Variants in MAGI2 observed in about 807,000 individuals in gnomAD.
MAGI2 encodes the protein membrane-associated guanylate kinase, WW and PDZ domain-containing protein 2.
A neutral mutation model predicts 133.3 loss-of-function variants in MAGI2; 35 were observed. The observed-to-expected ratio is 0.26, with a 90% CI of 0.20 to 0.35. The LOEUF is 0.35. Among genes scored for constraint, MAGI2 ranks in the 10% least tolerant of loss-of-function variants. The pLI, the probability that MAGI2 is intolerant of heterozygous loss-of-function variation, is 1.00. For missense variants in MAGI2, 1,636 were observed against 1,863.4 expected (o/e 0.88, Z 2.25); for synonymous variants, 729 against 710.6 (o/e 1.03, Z -0.41).
At chr7:78,070,148 T>TAC (rs1175930900) in intron 21 of MAGI2, among the ~76,000 whole-genome samples, 1 of 132,786 alleles carries the variant, frequency 7.5e-6, no homozygotes, top group African/African-American at 2.9e-5. Flanking sequence ...TGTATATATA[T>TAC]ACACACATAT....
chr7:78,888,071 C>T (rs575977191), intron 2 of MAGI2, among the ~76,000 whole-genome samples: 5 of 152,310 alleles, frequency 3.3e-5, no homozygotes, highest in Non-Finnish European at 5.9e-5. Context: ...AACGGCATAC[C>T]AGGAGATTAT....
At chr7:78,494,045 T>C (rs575567233) in intron 5 of MAGI2, among the ~76,000 whole-genome samples, 41 of 152,240 alleles carry the variant, frequency 2.7e-4, no homozygotes, top group African/African-American at 8.7e-4. Flanking sequence ...GGCATGATCT[T>C]GGCTCACTGC....
intron 10 of MAGI2, among the ~76,000 whole-genome samples, chr7:78,224,930 C>T (rs1331443479): frequency 6.6e-6 from 1 of 152,060 alleles, no homozygotes; most frequent in African/African-American, 2.4e-5. Flanking sequence ...ACTGTCATTC[C>T]CAGCAGAGAA....
intron 20 of MAGI2, among the ~76,000 whole-genome samples, chr7:78,106,648 T>C (rs1179790262): frequency 6.6e-6 from 1 of 152,170 alleles, no homozygotes; most frequent in Non-Finnish European, 1.5e-5. Flanking sequence ...TTGCCATTTG[T>C]ATATATTTTA....
chr7:78,449,947 T>A (rs1016819847), intron 6 of MAGI2, among the ~76,000 whole-genome samples: 1 of 152,232 alleles, frequency 6.6e-6, no homozygotes, highest in African/African-American at 2.4e-5. Flanking sequence ...TCGATAACAC[T>A]GTCTTAGAGG....
At chr7:79,406,980 T>C (rs1490652476) in intron 1 of MAGI2, among the ~76,000 whole-genome samples, 3 of 152,170 alleles carry the variant, frequency 2.0e-5, no homozygotes, top group African/African-American at 7.2e-5. Flanking sequence ...GGTCTCCTAA[T>C]TGTCCAAGTA....
chr7:78,944,892 A>G (rs1331850490), intron 2 of MAGI2, among the ~76,000 whole-genome samples: 3 of 151,768 alleles, frequency 2.0e-5, no homozygotes. Flanking sequence ...GCACGCCACT[A>G]TGCCCAACTA....
intron 7 of MAGI2, 92 bp from the exon 8 acceptor site, chr7:78,346,135 G>T: frequency 7.1e-7 from 1 of 1,418,394 alleles, no homozygotes. Context: ...GTGATTAAGG[G>T]CCACCTTATC....
chr7:78,405,023 T>C (rs1227612514), intron 6 of MAGI2, among the ~76,000 whole-genome samples: 1 of 152,112 alleles, frequency 6.6e-6, no homozygotes, highest in Non-Finnish European at 1.5e-5. Context: ...TTTCTTCCTT[T>C]ACTGAGGAAC....
intron 1 of MAGI2, among the ~76,000 whole-genome samples, chr7:79,357,491 T>C (rs1391291277): frequency 6.6e-6 from 1 of 152,224 alleles, no homozygotes; most frequent in Non-Finnish European, 1.5e-5. Flanking sequence ...ATCACTTTAA[T>C]GTCCTCTCTT....
rs1228032767 is a variant in MAGI2 at position 78,669,881 on chromosome 7, C to T, written c.419-42642G>A. Reference sequence around the variant, plus strand: ...TGACAAAATTCAACAACCCTTCATGCTAAAAGCTCTCAATAAATTAGGTAT... The same window carrying T: ...TGACAAAATTCAACAACCCTTCATGTTAAAAGCTCTCAATAAATTAGGTAT... On this transcript the variant is annotated intron_variant, in intron 2 of 21. Coordinates refer to ENST00000354212, the MANE Select transcript of MAGI2 (RefSeq NM_012301.4). 1.4e-4 allele frequency among the ~76,000 whole-genome samples: 21 copies of T among 152,112 alleles called. No individual in the cohort carries two copies. The East Asian group carries it at 4.1e-3, about 29-fold the overall frequency.
In MAGI2 at chr7:78,193,742, G is replaced by A. The variant is rs556882219; in HGVS notation, c.2269+1132C>T. The stretch of plus-strand genomic sequence containing the variant: ...GAAATACAGTAGCTCTGATGTAGCC[G>A]CTTCTTTAAAAAAAAAAAGTATATG... On this transcript the variant is annotated intron_variant, in intron 12 of 21. Transcript: ENST00000354212. 5.1e-3 allele frequency among the ~76,000 whole-genome samples: 409 copies of A among 79,950 alleles called. 3 individuals are homozygous for A. The highest frequency in any genetic ancestry group is 0.017 in the African/African-American group (394 of 23,336). 52.5% of individuals were successfully genotyped at this position (79,950 alleles called of 152,430 possible).
Position 78,824,618 on chromosome 7 carries a change from G to T in MAGI2, c.418+182472C>A, listed in dbSNP as rs185377869. 6.9e-3 allele frequency among the ~76,000 whole-genome samples: 825 copies of T among 119,922 alleles called. 2 individuals carry two copies. Among genetic ancestry groups the T allele is most frequent in the Middle Eastern group, 0.022 (5 of 232 alleles). 78.7% of individuals were successfully genotyped at this position (119,922 alleles called of 152,430 possible). A position where few individuals can be genotyped will look rare whatever the true frequency, so the allele number is the denominator to read the frequency against. The stretch of plus-strand genomic sequence containing the variant: ...ATATCCTTCACGCACTTTTTGATGG[G>T]GTTGTTTTTTTTCTAGTAAATTTAT... On this transcript the variant is annotated intron_variant, in intron 2 of 21. Transcript: ENST00000354212.
intron 1 of MAGI2, among the ~76,000 whole-genome samples, chr7:79,375,984 T>C (rs778358457): frequency 6.6e-6 from 1 of 151,948 alleles, no homozygotes; most frequent in Admixed American, 6.6e-5. Context: ...TTTTCTTAAA[T>C]GATTCTTTTA....
chr7:78,696,777 C>T (rs1454597669), intron 2 of MAGI2, among the ~76,000 whole-genome samples: 3 of 152,224 alleles, frequency 2.0e-5, no homozygotes, highest in Non-Finnish European at 2.9e-5. Flanking sequence ...AACCACCATT[C>T]AGGATGTGTT....
chr7:79,190,911 A>G lies in MAGI2; in HGVS notation c.302-183705T>C, dbSNP rs1299594990. Among the ~76,000 whole-genome samples, 27 of 151,872 alleles carry G rather than the reference A, an allele frequency of 1.8e-4. 1 individual carries two copies. The highest frequency in any genetic ancestry group is 1.8e-3 in the Admixed American group (27 of 15,220). ...TTCTTTAATAGTTATTAGGTAAATC[A>G]ATGCCATTAAAAATAAGATATAAAT... On this transcript the variant is annotated intron_variant, in intron 1 of 21. Transcript: ENST00000354212.
At chr7:78,129,935 CAAA>C (rs61675652) in intron 18 of MAGI2, among the ~76,000 whole-genome samples, 2 of 57,158 alleles carry the variant, frequency 3.5e-5, no homozygotes, top group Non-Finnish European at 3.1e-5. Flanking sequence ...AACTCCGCCT[CAAA>C]AAAAAAAAAA....
intron 1 of MAGI2, among the ~76,000 whole-genome samples, chr7:79,214,645 A>T (rs1829849833): frequency 7.1e-6 from 1 of 140,960 alleles, no homozygotes; most frequent in Admixed American, 7.3e-5. Flanking sequence ...TTATATATTT[A>T]TAATTTTATA....
rs186458829 is a variant in MAGI2 at position 79,334,061 on chromosome 7, C to G, written c.301+118959G>C. 1.6e-4 allele frequency among the ~76,000 whole-genome samples: 24 copies of G among 152,214 alleles called. No homozygotes were observed. In the East Asian group the frequency reaches 2.1e-3, roughly 13 times the overall value. On this transcript the variant is annotated intron_variant, in intron 1 of 21. Transcript: ENST00000354212. ...CTAATTATTCACCCAGCAACCCATC[C>G]GTGTCATCTCTATACACATCTAGTA...
Sources: allele counts gnomAD v4.1 joint callset (sites outside exome capture counted in the v4.1 genomes callset), GRCh38; gene constraint gnomAD v4.1.1; transcripts MANE v1.5; gene names NCBI Gene and HGNC (gene_info 2026-07-23, HGNC 2026-07-21).